ZNF681: variants seen among roughly 807,000 people sequenced by gnomAD.
The protein encoded by ZNF681 is hypothetical protein FLJ31526.
ZNF681 carries 37 observed loss-of-function variants against 56.0 expected under a neutral mutation model. The ratio of observed to expected loss-of-function variants is 0.66; its 90% confidence interval spans 0.51 to 0.87. ZNF681 has a LOEUF of 0.87. Among genes scored for constraint, ZNF681 ranks in the 40% least tolerant of loss-of-function variants. The probability of loss-of-function intolerance (pLI) is 0.00; values close to 1 mark genes in which losing one functional copy is unlikely to be tolerated. For synonymous variants in ZNF681, 225 were observed against 248.6 expected, an observed-to-expected ratio of 0.91 and a Z score of 0.89; for missense variants, 741 against 744.9, an observed-to-expected ratio of 0.99 and a Z score of 0.06.
At chr19:23,750,283 C>CAAAAAAAA (rs74175768) in intron 3 of ZNF681, among the ~76,000 whole-genome samples, 1 of 31,776 alleles carries the variant, frequency 3.1e-5, no homozygotes, top group Non-Finnish European at 5.3e-5. Context: ...GACTCCAACT[C>CAAAAAAAA]AAAAAAAAAA....
At position 23,744,911 on chromosome 19, in the gene ZNF681, A is replaced by T. The variant is rs556353275; in HGVS notation, c.639T>A (p.Phe213Leu). ...CAATATGAATTCTTTTATGTTTAGTAAAGATTGAGGATCCATTAAAGGCTT... is the reference window on the plus strand; with the variant it reads ...CAATATGAATTCTTTTATGTTTAGTTAAGATTGAGGATCCATTAAAGGCTT... ...CGKAFNGSSI[F>L]TKHKRIHIGE... The change falls in exon 4 of 4, where the codon TTT becomes TTA. Residue 213 changes from phenylalanine (F) to leucine (L), a missense_variant. By Grantham distance (22) the Phe-to-Leu change is conservative. Transcript: ENST00000402377. 1 of 1,609,492 alleles carries T rather than the reference A, an allele frequency of 6.2e-7. No individual in the cohort carries two copies. The highest frequency in any genetic ancestry group is 1.1e-5 in the South Asian group (1 of 90,156).
At chr19:23,751,983 G>T (rs1041162087) in intron 3 of ZNF681, among the ~76,000 whole-genome samples, 15 of 152,120 alleles carry the variant, frequency 9.9e-5, no homozygotes, top group South Asian at 8.3e-4. Context: ...CACTGCGCCC[G>T]GCCTGAGGTT....
At chr19:23,750,921 C>T (rs1389157903) in intron 3 of ZNF681, among the ~76,000 whole-genome samples, 2 of 150,446 alleles carry the variant, frequency 1.3e-5, no homozygotes, top group East Asian at 1.9e-4. Flanking sequence ...GTTGAAGGTT[C>T]GAGACCAGCC....
chr19:23,745,429 G>C, intron 3 of ZNF681, 106 bp from the exon 4 acceptor site: 1 of 848,680 alleles, frequency 1.2e-6, no homozygotes, highest in Non-Finnish European at 1.6e-6. Context: ...AGATGGTATA[G>C]CAAAATACCA....
chr19:23,748,816 A>G (rs1489738524), intron 3 of ZNF681, among the ~76,000 whole-genome samples: 2 of 152,196 alleles, frequency 1.3e-5, no homozygotes, highest in Non-Finnish European at 2.9e-5. Context: ...AAATCACGTG[A>G]AAAAAACTCA....
At chr19:23,754,698 G>A in intron 3 of ZNF681, 125 bp downstream of exon 3, 1 of 827,040 alleles carries the variant, frequency 1.2e-6, no homozygotes, top group Non-Finnish European at 2.0e-6. Context: ...AAAAACTCTG[G>A]CTTTCCAGAA....
intron 3 of ZNF681, among the ~76,000 whole-genome samples, chr19:23,749,828 A>T (rs992780018): frequency 3.3e-5 from 5 of 152,162 alleles, no homozygotes; most frequent in African/African-American, 9.7e-5. Flanking sequence ...ATCTGAAAAA[A>T]TTCAGAATCA....
In ZNF681 at chr19:23,743,606, A is replaced by C; in HGVS notation, c.*6T>G. ...TTTTAAAGGTTTTGTTACATTCTTCACATTTCTAAGATTTCTCACCAGCAT... is the reference window on the plus strand; with the variant it reads ...TTTTAAAGGTTTTGTTACATTCTTCCCATTTCTAAGATTTCTCACCAGCAT... On this transcript the variant is annotated 3_prime_UTR_variant, in exon 4 of 4. Coordinates refer to ENST00000402377, the MANE Select transcript of ZNF681 (RefSeq NM_138286.3). 6.8e-7 allele frequency: 1 copy of C among 1,472,890 alleles called. No individual in the cohort carries two copies. The highest frequency in any genetic ancestry group is 2.7e-5 in the Admixed American group (1 of 37,174). 91.2% of individuals were successfully genotyped at this position (1,472,890 alleles called of 1,614,324 possible). A position where few individuals can be genotyped will look rare whatever the true frequency, so the allele number is the denominator to read the frequency against.
intron 3 of ZNF681, among the ~76,000 whole-genome samples, chr19:23,751,178 A>T (rs1599457279): frequency 6.6e-6 from 1 of 151,150 alleles, no homozygotes; most frequent in East Asian, 2.0e-4. Flanking sequence ...ATGTACCATT[A>T]AGAATTTATC....
intron 1 of ZNF681, among the ~76,000 whole-genome samples, 164 bp from the exon 2 acceptor site, chr19:23,755,715 AT>A (rs908251768): frequency 3.3e-5 from 5 of 151,806 alleles, no homozygotes; most frequent in Non-Finnish European, 7.4e-5. Flanking sequence ...CAATAAAATA[AT>A]TTTTTTTTAC....
chr19:23,749,079 C>G (rs1349323438), intron 3 of ZNF681, among the ~76,000 whole-genome samples: 2 of 152,026 alleles, frequency 1.3e-5, no homozygotes, highest in Non-Finnish European at 2.9e-5. Flanking sequence ...TCACAAAAGC[C>G]AAAAGACTGA....
chr19:23,756,327 C>CG (rs1555714105), intron 1 of ZNF681, among the ~76,000 whole-genome samples: 4 of 150,264 alleles, frequency 2.7e-5, no homozygotes, highest in South Asian at 2.1e-4. Context: ...TCTGTCCCCC[C>CG]CCAAAAAAAG....
intron 1 of ZNF681, among the ~76,000 whole-genome samples, chr19:23,756,939 C>T (rs983623694): frequency 2.6e-5 from 4 of 152,002 alleles, no homozygotes; most frequent in Admixed American, 6.6e-5. Flanking sequence ...GGCGTGATCT[C>T]GGGTCACTGC....
Position 23,744,739 on chromosome 19 carries a change from TTGTAA to T in ZNF681, c.806_810del (p.Ile269AsnfsTer15). On this transcript the variant is annotated frameshift_variant, in exon 4 of 4. Coordinates refer to ENST00000402377, the MANE Select transcript of ZNF681 (RefSeq NM_138286.3). LOFTEE classifies it high-confidence loss of function. The stretch of plus-strand genomic sequence containing the variant: ...TCTCCAGTATGAATTATTGTATGTG[TTGTAA>T]TGTGTGACGACAGGTTAAAGGCTTT... 6.2e-7 allele frequency: 1 copy of T among 1,613,810 alleles called. No homozygotes were observed. Among genetic ancestry groups the T allele is most frequent in the Non-Finnish European group, 8.5e-7 (1 of 1,179,826 alleles).
At chr19:23,748,555 C>T (rs1361444743) in intron 3 of ZNF681, among the ~76,000 whole-genome samples, 1 of 152,110 alleles carries the variant, frequency 6.6e-6, no homozygotes, top group Non-Finnish European at 1.5e-5. Flanking sequence ...TAGAAGTTCA[C>T]GGCCCTTATT....
At chr19:23,756,997 A>G (rs1365555654) in intron 1 of ZNF681, among the ~76,000 whole-genome samples, 1 of 151,852 alleles carries the variant, frequency 6.6e-6, no homozygotes, top group Non-Finnish European at 1.5e-5. Flanking sequence ...CAGCCTCCAG[A>G]GTAGCTGGGA....
intron 3 of ZNF681, among the ~76,000 whole-genome samples, chr19:23,753,446 A>T (rs1286231116): frequency 6.6e-6 from 1 of 152,306 alleles, no homozygotes; most frequent in Non-Finnish European, 1.5e-5. Flanking sequence ...TTCTGAGAAG[A>T]AATTTAATCA....
chr19:23,754,526 C>T (rs1969085077), intron 3 of ZNF681, among the ~76,000 whole-genome samples: 2 of 152,054 alleles, frequency 1.3e-5, no homozygotes, highest in South Asian at 2.1e-4. Context: ...ATTAGCTGGG[C>T]GTGGTGGCAC....
chr19:23,741,847 C>T lies in ZNF681; in HGVS notation c.*1765G>A, dbSNP rs1288053812. On this transcript the variant is annotated 3_prime_UTR_variant, in exon 4 of 4. Coordinates refer to ENST00000402377, the MANE Select transcript of ZNF681 (RefSeq NM_138286.3). ...ATTATATACCTGTATCAAAATATGC[C>T]ATATATGCCATATTTACACATACTA... is the stretch of plus-strand genomic sequence containing the variant. 6.6e-6 allele frequency: 1 copy of T among 151,836 alleles called. No individual in the cohort carries two copies. Among genetic ancestry groups the T allele is most frequent in the Non-Finnish European group, 1.5e-5 (1 of 67,964 alleles). The allele number at this position is 151,836 out of a possible 1,614,324, so 9.4% of individuals were successfully genotyped here. A position where few individuals can be genotyped will look rare whatever the true frequency, so the allele number is the denominator to read the frequency against.
Sources: gnomAD v4.1 joint callset for allele counts (sites outside exome capture counted in the v4.1 genomes callset) on GRCh38, gnomAD v4.1.1 for gene constraint, MANE v1.5 for transcripts, NCBI Gene and HGNC (gene_info 2026-07-23, HGNC 2026-07-21) for gene names.